BRINP3: variants seen among roughly 807,000 people sequenced by gnomAD.
The protein encoded by BRINP3 is BMP/retinoic acid inducible neural specific 3.
Under a neutral mutation model 71.0 loss-of-function variants are expected in BRINP3, and 19 were observed. The ratio of observed to expected loss-of-function variants is 0.27; its 90% CI spans 0.19 to 0.39. The LOEUF (loss-of-function observed/expected upper bound fraction) is 0.39. Ranked by LOEUF, BRINP3 falls within the 10% of genes least tolerant of loss-of-function variation. The pLI is 1.00. For synonymous variants in BRINP3, 380 were observed against 337.7 expected (o/e 1.13, Z -1.37); for missense variants, 959 against 940.8 (o/e 1.02, Z -0.25).
chr1:190,277,245 T>A (rs1459848907), intron 3 of BRINP3, among the ~76,000 whole-genome samples: 1 of 150,308 alleles, frequency 6.7e-6, no homozygotes, highest in Non-Finnish European at 1.5e-5. Flanking sequence ...CAGAAAGGCA[T>A]AGTGTAGGAA....
chr1:190,458,329 T>C (rs77373916), intron 1 of BRINP3, among the ~76,000 whole-genome samples: 1 of 152,118 alleles, frequency 6.6e-6, no homozygotes, highest in African/African-American at 2.4e-5. Flanking sequence ...CAAATTGAGA[T>C]ATCCCAATAA....
At chr1:190,165,575 A>G (rs1325624214) in intron 6 of BRINP3, among the ~76,000 whole-genome samples, 1 of 150,212 alleles carries the variant, frequency 6.7e-6, no homozygotes, top group Admixed American at 6.7e-5. Flanking sequence ...ATATGAAACT[A>G]TGTTTTCAAT....
chr1:190,414,577 A>G (rs889728057), intron 2 of BRINP3, among the ~76,000 whole-genome samples: 5 of 152,208 alleles, frequency 3.3e-5, no homozygotes, highest in African/African-American at 1.2e-4. Flanking sequence ...AGCATAAGGT[A>G]TCTGTTGGGC....
chr1:190,444,093 G>C (rs1675026322), intron 2 of BRINP3, among the ~76,000 whole-genome samples: 1 of 151,814 alleles, frequency 6.6e-6, no homozygotes, highest in African/African-American at 2.4e-5. Context: ...TTAGCTGGGG[G>C]GTGGTGGCCC....
chr1:190,272,881 A>G lies in BRINP3; in HGVS notation c.428-7826T>C, dbSNP rs185053223. On this transcript the variant is annotated intron_variant, in intron 3 of 7. Coordinates refer to ENST00000367462, the MANE Select transcript of BRINP3 (RefSeq NM_199051.3). Reference sequence around the variant, plus strand: ...CACCATAATAGTTCTTTTAATGAATATCCTGTTTAAAACCCTTACTTACAA... The same window carrying G: ...CACCATAATAGTTCTTTTAATGAATGTCCTGTTTAAAACCCTTACTTACAA... Among the ~76,000 whole-genome samples the G allele has an allele frequency of 2.0e-5, 3 of 151,598 alleles. No homozygotes were observed. The East Asian group carries it at 5.8e-4, about 29-fold the overall frequency.
At chr1:190,444,006 G>A (rs1466484010) in intron 2 of BRINP3, among the ~76,000 whole-genome samples, 1 of 152,110 alleles carries the variant, frequency 6.6e-6, no homozygotes, top group Non-Finnish European at 1.5e-5. Flanking sequence ...GCTGAGGGTG[G>A]CAGATTACCT....
chr1:190,176,040 C>T (rs146121502), intron 6 of BRINP3, among the ~76,000 whole-genome samples: 27 of 152,240 alleles, frequency 1.8e-4, no homozygotes, highest in African/African-American at 3.9e-4. Context: ...GTAAATGATG[C>T]CCTTTACTTG....
chr1:190,181,163 T>C (rs1652998105), intron 6 of BRINP3, among the ~76,000 whole-genome samples: 1 of 152,076 alleles, frequency 6.6e-6, no homozygotes, highest in South Asian at 2.1e-4. Context: ...CAATACATGG[T>C]TTTCTCTAAT....
At chr1:190,321,628 T>A (rs926895053) in intron 2 of BRINP3, among the ~76,000 whole-genome samples, 17 of 152,152 alleles carry the variant, frequency 1.1e-4, no homozygotes, top group African/African-American at 3.6e-4. Flanking sequence ...TTTTGACTGA[T>A]TAAACAAATT....
rs147210039 is a variant in BRINP3, at chr1:190,119,530, C to T, written c.1185-20396G>A. 4.5e-3 allele frequency among the ~76,000 whole-genome samples: 692 copies of T among 152,254 alleles called. 11 individuals are homozygous for T. Among genetic ancestry groups the T allele is most frequent in the African/African-American group, 0.015 (628 of 41,556 alleles). On this transcript the variant is annotated intron_variant, in intron 7 of 7. Transcript: ENST00000367462. ...CCTTGTGATCCTCCCTCTTCAGCCT[C>T]CCAAAGTGCTGGGATGAATGAATTG...
intron 6 of BRINP3, among the ~76,000 whole-genome samples, chr1:190,162,351 T>A (rs1277806922): frequency 6.6e-6 from 1 of 151,940 alleles, no homozygotes; most frequent in Non-Finnish European, 1.5e-5. Context: ...CCCAGCTACT[T>A]TTTTGTAATT....
In BRINP3 at chr1:190,453,203, A is replaced by ATTTTTTTTTTTTTTTTTTTTTTTTT. The variant is rs1190785225; in HGVS notation, c.236+1427_236+1451dup. Among the ~76,000 whole-genome samples, 23 of 40,910 alleles carry ATTTTTTTTTTTTTTTTTTTTTTTTT rather than the reference A, an allele frequency of 5.6e-4. 6 individuals are homozygous for ATTTTTTTTTTTTTTTTTTTTTTTTT. Among genetic ancestry groups the ATTTTTTTTTTTTTTTTTTTTTTTTT allele is most frequent in the African/African-American group, 6.9e-4 (7 of 10,168 alleles). 26.8% of individuals were successfully genotyped at this position (40,910 alleles called of 152,430 possible). A position where few individuals can be genotyped will look rare whatever the true frequency, so the allele number is the denominator to read the frequency against. On this transcript the variant is annotated intron_variant, in intron 2 of 7. Coordinates refer to ENST00000367462, the MANE Select transcript of BRINP3 (RefSeq NM_199051.3). ...ACTTTTCAGAAAGAAAAACTTTAGT[A>ATTTTTTTTTTTTTTTTTTTTTTTTT]TTTTTTTTTTTTTTTTTTTTTTTTT...
At chr1:190,242,543 C>A (rs1467054144) in intron 4 of BRINP3, among the ~76,000 whole-genome samples, 1 of 152,028 alleles carries the variant, frequency 6.6e-6, no homozygotes, top group Non-Finnish European at 1.5e-5. Context: ...AATTATGCAT[C>A]TATGCAAATT....
At chr1:190,287,972 T>A (rs532775448) in intron 2 of BRINP3, among the ~76,000 whole-genome samples, 1 of 152,266 alleles carries the variant, frequency 6.6e-6, no homozygotes, top group East Asian at 1.9e-4. Context: ...TGCAGGTATA[T>A]ATGATAATAC....
chr1:190,354,771 GT>G (rs76406699), intron 2 of BRINP3, among the ~76,000 whole-genome samples: 2,193 of 124,082 alleles, frequency 0.018, 38 homozygotes, highest in African/African-American at 0.051. Flanking sequence ...TCTTCTAAGT[GT>G]TTTTTTTTTT....
At chr1:190,133,045 G>A (rs1654671039) in intron 7 of BRINP3, among the ~76,000 whole-genome samples, 1 of 152,044 alleles carries the variant, frequency 6.6e-6, no homozygotes, top group African/African-American at 2.4e-5. Flanking sequence ...CAGTCTGGCA[G>A]GTAGCTGGAC....
intron 6 of BRINP3, among the ~76,000 whole-genome samples, chr1:190,191,795 T>G (rs952398450): frequency 5.9e-5 from 9 of 152,126 alleles, no homozygotes; most frequent in Non-Finnish European, 7.4e-5. Context: ...AAGGCATAAT[T>G]TGCATTGAAA....
At chr1:190,361,836 C>A (rs1669167899) in intron 2 of BRINP3, among the ~76,000 whole-genome samples, 1 of 152,122 alleles carries the variant, frequency 6.6e-6, no homozygotes, top group South Asian at 2.1e-4. Context: ...AGAATTTATG[C>A]ATTTCTTCTA....
At chr1:190,468,702 T>C (rs1431106813) in intron 1 of BRINP3, among the ~76,000 whole-genome samples, 1 of 151,200 alleles carries the variant, frequency 6.6e-6, no homozygotes, top group Non-Finnish European at 1.5e-5. Context: ...CAAGGAATTA[T>C]GGATTGCAAA....
Sources: allele counts gnomAD v4.1 joint callset (sites outside exome capture counted in the v4.1 genomes callset), GRCh38; gene constraint gnomAD v4.1.1; transcripts MANE v1.5; gene names NCBI Gene and HGNC (gene_info 2026-07-23, HGNC 2026-07-21).